ZNF469: variants seen among roughly 807,000 people sequenced by gnomAD.
ZNF469 encodes zinc finger protein 469.
ZNF469 carries 1 observed loss-of-function variant against 1.0 expected under a neutral mutation model. The ratio of observed to expected loss-of-function variants is 1.00; its 90% CI spans 0.35 to 4.73. The LOEUF is 4.73. Ranked by LOEUF, ZNF469 falls within the 30% of genes most tolerant of loss-of-function variation. The pLI is 0.16. For synonymous variants in ZNF469, 2,703 were observed against 2,363.4 expected, an observed-to-expected ratio of 1.14 and a Z score of -4.17; for missense variants, 6,100 against 5,356.3, an observed-to-expected ratio of 1.14 and a Z score of -4.33.
At chr16:88,411,308 G>C (rs540034593) in intron 1 of ZNF469, among the ~76,000 whole-genome samples, 1 of 152,246 alleles carries the variant, frequency 6.6e-6, no homozygotes, top group Non-Finnish European at 1.5e-5. Flanking sequence ...ACCCCAGCGA[G>C]CCAGCATCTG....
the ZNF469 span, among the ~76,000 whole-genome samples, chr16:88,122,755 T>G: frequency 6.6e-6 from 1 of 151,956 alleles, no homozygotes; most frequent in African/African-American, 2.4e-5. Flanking sequence ...TAAATATACT[T>G]TAGGTATATA....
chr16:88,393,806 C>T (rs1462541813), intron 1 of ZNF469, among the ~76,000 whole-genome samples: 1 of 152,242 alleles, frequency 6.6e-6, no homozygotes, highest in Admixed American at 6.5e-5. Context: ...CATCATGGTT[C>T]CAACCACAAG....
At chr16:88,277,967 C>T in the ZNF469 span, among the ~76,000 whole-genome samples, 6 of 27,446 alleles carry the variant, frequency 2.2e-4, no homozygotes, top group African/African-American at 7.9e-4. Flanking sequence ...GTTAGTGCTG[C>T]GCCACCCTGA....
chr16:88,205,283 A>T, the ZNF469 span, among the ~76,000 whole-genome samples: 5 of 152,156 alleles, frequency 3.3e-5, no homozygotes, highest in African/African-American at 9.7e-5. This position sits in a 1 kb window ranked among gnomAD's most constrained non-coding sequence, Gnocchi z 4.2. Context: ...CCACCTGATT[A>T]TGTCCCGGCT....
At chr16:88,409,913 G>T (rs1451709780) in intron 1 of ZNF469, among the ~76,000 whole-genome samples, 1 of 150,868 alleles carries the variant, frequency 6.6e-6, no homozygotes, top group African/African-American at 2.4e-5. Context: ...TCTGGGTGGG[G>T]CGGGCCTGGT....
At chr16:88,198,319 G>A in the ZNF469 span, among the ~76,000 whole-genome samples, 1 of 152,210 alleles carries the variant, frequency 6.6e-6, no homozygotes. Flanking sequence ...GGGGACTTTG[G>A]AGCAGGGGCC....
At chr16:88,309,931 C>G in the ZNF469 span, among the ~76,000 whole-genome samples, 2 of 152,224 alleles carry the variant, frequency 1.3e-5, no homozygotes, top group South Asian at 2.1e-4. Context: ...CTGCCAGAGG[C>G]CAGATCCCTC....
At chr16:88,389,826 G>A (rs950781901) in intron 1 of ZNF469, among the ~76,000 whole-genome samples, 12 of 152,294 alleles carry the variant, frequency 7.9e-5, no homozygotes, top group Non-Finnish European at 1.5e-4. Flanking sequence ...TCCCCCAGGA[G>A]GCTCCCCCGC....
Position 88,436,803 on chromosome 16 carries a change from G to A in ZNF469, c.9333G>A (p.Arg3111=), listed in dbSNP as rs1906611997. Residue 3111 remains arginine (R), a synonymous_variant, in exon 3 of 3, where the codon AGG becomes AGA. Transcript: ENST00000565624. ...GCAGAGGCCGGCCGGCCAAGGGCAGGCGGGCCTCCTACAAGTGCAAAGTGT... is the reference window on the plus strand; with the variant it reads ...GCAGAGGCCGGCCGGCCAAGGGCAGACGGGCCTCCTACAAGTGCAAAGTGT... The part of the protein sequence containing the change: ...AQGRGRPAKG[R]RASYKCKVCF... 2 of 1,541,790 alleles carry A rather than the reference G, an allele frequency of 1.3e-6. No homozygotes were observed.
the ZNF469 span, among the ~76,000 whole-genome samples, chr16:88,356,855 C>T: frequency 2.0e-5 from 3 of 152,112 alleles, no homozygotes; most frequent in Non-Finnish European, 2.9e-5. Context: ...CAAGAGGCAC[C>T]AGGCCAGGGT....
chr16:88,437,603 G>A lies in ZNF469; in HGVS notation c.10133G>A (p.Gly3378Glu). The change falls in exon 3 of 3, where the codon GGG (glycine) becomes GAG (glutamate). Residue 3378 changes from glycine to glutamate, a missense_variant. Gly to Glu is a moderately conservative substitution (Grantham distance 98). Coordinates refer to ENST00000565624, the MANE Select transcript of ZNF469 (RefSeq NM_001367624.2). ...PRCPRVYPEHGELLAHLGGAH... is the reference protein window; with the variant it reads ...PRCPRVYPEHEELLAHLGGAH... Reference sequence around the variant, plus strand: ...TGCCCCCGGGTCTACCCCGAGCACGGGGAGCTGCTGGCACACCTGGGCGGG... The same window carrying A: ...TGCCCCCGGGTCTACCCCGAGCACGAGGAGCTGCTGGCACACCTGGGCGGG... 2 of 1,537,404 alleles carry A rather than the reference G, an allele frequency of 1.3e-6. No homozygotes were observed. Among genetic ancestry groups the A allele is most frequent in the Non-Finnish European group, 1.8e-6 (2 of 1,137,370 alleles).
chr16:88,119,606 A>G, the ZNF469 span, among the ~76,000 whole-genome samples: 1 of 152,236 alleles, frequency 6.6e-6, no homozygotes, highest in Non-Finnish European at 1.5e-5. Flanking sequence ...GATGTGTTTT[A>G]CGCAGAGGAT....
chr16:88,307,748 A>G, the ZNF469 span, among the ~76,000 whole-genome samples: 1 of 152,154 alleles, frequency 6.6e-6, no homozygotes, highest in Non-Finnish European at 1.5e-5. Flanking sequence ...CAGGTTCCCT[A>G]TTGGATATAT....
In ZNF469 at chr16:88,428,394, G is replaced by C; in HGVS notation, c.924G>C (p.Gln308His). Residue 308 changes from glutamine to histidine, a missense_variant, in exon 3 of 3, where the codon CAG (glutamine) becomes CAC (histidine). Transcript: ENST00000565624. ...TNGPLVFAFH[Q>H]PQGAWPEEAV... ...GGCCACTGGTGTTTGCCTTCCATCA[G>C]CCCCAGGGAGCGTGGCCGGAGGAGG... 3 of 1,548,304 alleles carry C rather than the reference G, an allele frequency of 1.9e-6. No individual in the cohort carries two copies. Among genetic ancestry groups the C allele is most frequent in the Middle Eastern group, 1.7e-4 (1 of 5,990 alleles).
the ZNF469 span, among the ~76,000 whole-genome samples, chr16:88,143,909 G>A: frequency 2.0e-5 from 3 of 152,176 alleles, no homozygotes; most frequent in Non-Finnish European, 2.9e-5. Context: ...CCCTGTGTTC[G>A]CTGCCTTCCT....
the ZNF469 span, among the ~76,000 whole-genome samples, chr16:88,333,242 G>C: frequency 1.3e-5 from 2 of 152,298 alleles, no homozygotes; most frequent in African/African-American, 4.8e-5. Flanking sequence ...CTCCAAGCCG[G>C]TGGGTACGGC....
chr16:88,336,705 T>C, the ZNF469 span, among the ~76,000 whole-genome samples: 1 of 152,254 alleles, frequency 6.6e-6, no homozygotes, highest in African/African-American at 2.4e-5. Context: ...ATCCTTCACA[T>C]GAGACACTGA....
At chr16:88,373,690 G>A in the ZNF469 span, among the ~76,000 whole-genome samples, 1 of 152,216 alleles carries the variant, frequency 6.6e-6, no homozygotes, top group Non-Finnish European at 1.5e-5. Context: ...GGAATCTTGA[G>A]CAGGTTTTGG....
intron 1 of ZNF469, among the ~76,000 whole-genome samples, chr16:88,394,668 G>A (rs1904604161): frequency 6.6e-6 from 1 of 152,220 alleles, no homozygotes; most frequent in Non-Finnish European, 1.5e-5. Flanking sequence ...AATGCTGGAG[G>A]TACCTTGTCA....
Sources: allele counts gnomAD v4.1 joint callset (sites outside exome capture counted in the v4.1 genomes callset), GRCh38; gene constraint gnomAD v4.1.1; non-coding constraint Gnocchi (gnomAD v3.1); transcripts MANE v1.5; gene names NCBI Gene and HGNC (gene_info 2026-07-23, HGNC 2026-07-21).